CREB5: variants seen among roughly 807,000 people sequenced by gnomAD.
CREB5 encodes the protein cAMP responsive element binding protein 5.
A neutral mutation model predicts 57.1 loss-of-function variants in CREB5; 19 were observed. The ratio of observed to expected loss-of-function variants is 0.33; its 90% CI spans 0.23 to 0.49. The LOEUF is 0.49. CREB5 is among the 20% of genes least tolerant of loss of function. CREB5 has a pLI of 0.99. For missense variants in CREB5, 579 were observed against 671.6 expected (o/e 0.86, Z 1.52); for synonymous variants, 238 against 238.3 (o/e 1.00, Z 0.01).
chr7:28,454,818 G>C (rs1377482006), intron 1 of CREB5, among the ~76,000 whole-genome samples: 1 of 152,110 alleles, frequency 6.6e-6, no homozygotes, highest in Non-Finnish European at 1.5e-5. Context: ...TTCATCACTT[G>C]GAAGATCCGA....
chr7:28,473,287 A>C (rs1246763557), intron 1 of CREB5, among the ~76,000 whole-genome samples: 1 of 152,184 alleles, frequency 6.6e-6, no homozygotes, highest in East Asian at 1.9e-4. Context: ...GCACCATTGC[A>C]TTCCAGCCTG....
intron 1 of CREB5, among the ~76,000 whole-genome samples, chr7:28,454,756 A>T (rs533226757): frequency 7.2e-5 from 11 of 152,038 alleles, no homozygotes; most frequent in African/African-American, 1.2e-4. Context: ...AGCATATAAA[A>T]TTTTTTTTCA....
At chr7:28,525,620 T>A (rs533084125) in intron 4 of CREB5, among the ~76,000 whole-genome samples, 1 of 152,318 alleles carries the variant, frequency 6.6e-6, no homozygotes, top group East Asian at 1.9e-4. Context: ...TGTTGGACAC[T>A]TGTATGTCTT....
intron 5 of CREB5, 94 bp downstream of exon 5, chr7:28,570,631 T>C (rs1289407663): frequency 7.1e-7 from 1 of 1,404,920 alleles, no homozygotes; most frequent in Non-Finnish European, 9.7e-7. Flanking sequence ...GATTGGTTGG[T>C]TTTTCTGGCT....
At chr7:28,710,079 A>G (rs1428772024) in intron 5 of CREB5, among the ~76,000 whole-genome samples, 1 of 151,880 alleles carries the variant, frequency 6.6e-6, no homozygotes, top group Admixed American at 6.6e-5. Context: ...TTTCAAGTGG[A>G]AATTGATTTA....
chr7:28,458,040 A>G (rs1412136303), intron 1 of CREB5, among the ~76,000 whole-genome samples: 1 of 152,150 alleles, frequency 6.6e-6, no homozygotes, highest in Non-Finnish European at 1.5e-5. Context: ...CCCCCATAAG[A>G]GGAAGCTGTG....
At chr7:28,359,232 A>T (rs1209064852) in intron 1 of CREB5, among the ~76,000 whole-genome samples, 1 of 152,002 alleles carries the variant, frequency 6.6e-6, no homozygotes, top group Non-Finnish European at 1.5e-5. Context: ...AATAAAAAAA[A>T]AAAAGCTTTA....
chr7:28,506,173 G>A (rs973719908), intron 3 of CREB5, among the ~76,000 whole-genome samples: 3 of 152,158 alleles, frequency 2.0e-5, no homozygotes, highest in Non-Finnish European at 2.9e-5. Flanking sequence ...GGGCTGATTC[G>A]GTGGGGGATA....
chr7:28,429,904 G>C (rs1272501656), intron 1 of CREB5, among the ~76,000 whole-genome samples: 2 of 152,138 alleles, frequency 1.3e-5, no homozygotes, highest in Non-Finnish European at 2.9e-5. Flanking sequence ...CACCTCCTTC[G>C]CTGCCTCCAG....
At chr7:28,541,365 CAG>C (rs1278461726) in intron 4 of CREB5, among the ~76,000 whole-genome samples, 1 of 152,056 alleles carries the variant, frequency 6.6e-6, no homozygotes, top group Non-Finnish European at 1.5e-5. Flanking sequence ...AGACCCCACT[CAG>C]AGAAAAAACC....
intron 7 of CREB5, among the ~76,000 whole-genome samples, chr7:28,766,968 C>CACAGAATT (rs1806036100): frequency 6.6e-6 from 1 of 152,206 alleles, no homozygotes; most frequent in Admixed American, 6.5e-5. Flanking sequence ...CCAGTTCAAA[C>CACAGAATT]ACAGAATTGG....
At chr7:28,637,605 C>A (rs1380308927) in intron 5 of CREB5, among the ~76,000 whole-genome samples, 1 of 152,002 alleles carries the variant, frequency 6.6e-6, no homozygotes, top group Non-Finnish European at 1.5e-5. Flanking sequence ...CAGATGAGAC[C>A]CCAAGGATCA....
upstream of CREB5, chr7:28,410,309 C>CCCGG (rs1472792845): frequency 8.8e-6 from 4 of 456,584 alleles, no homozygotes; most frequent in Non-Finnish European, 1.8e-5. Context: ...GTTACCTCTT[C>CCCGG]CCGGCCGCTG....
chr7:28,658,975 A>ATGTG (rs1159628776), intron 5 of CREB5, among the ~76,000 whole-genome samples: 8 of 137,702 alleles, frequency 5.8e-5, no homozygotes, highest in East Asian at 2.0e-4. Flanking sequence ...ATATATATAT[A>ATGTG]TATATGTATA....
chr7:28,463,972 G>C (rs1021049255), intron 1 of CREB5, among the ~76,000 whole-genome samples: 1 of 152,082 alleles, frequency 6.6e-6, no homozygotes, highest in African/African-American at 2.4e-5. Context: ...AGTAGTGAGA[G>C]CTAATATCTT....
At chr7:28,453,296 G>T (rs909214278) in intron 1 of CREB5, among the ~76,000 whole-genome samples, 1 of 152,060 alleles carries the variant, frequency 6.6e-6, no homozygotes, top group Non-Finnish European at 1.5e-5. Flanking sequence ...AAAATTAGCT[G>T]GGCATGGTGG....
chr7:28,808,787 C>T (rs1808911602), intron 8 of CREB5, among the ~76,000 whole-genome samples: 1 of 130,310 alleles, frequency 7.7e-6, no homozygotes, highest in South Asian at 2.5e-4. Flanking sequence ...TCTCAAACTC[C>T]TGGCCTCAAG....
chr7:28,328,923 G>A (rs1313783612), intron 1 of CREB5, among the ~76,000 whole-genome samples: 1 of 152,184 alleles, frequency 6.6e-6, no homozygotes, highest in Non-Finnish European at 1.5e-5. Context: ...TTGCTGGAGA[G>A]CCATATGCAA....
At chr7:28,818,886 A>T in intron 10 of CREB5, 1 of 591,120 alleles carries the variant, frequency 1.7e-6, no homozygotes, top group Non-Finnish European at 3.1e-6. Flanking sequence ...AAATCATTTT[A>T]CTGATACAGA....
Sources: gnomAD v4.1 joint callset for allele counts (sites outside exome capture counted in the v4.1 genomes callset) on GRCh38, gnomAD v4.1.1 for gene constraint, MANE v1.5 for transcripts, NCBI Gene and HGNC (gene_info 2026-07-23, HGNC 2026-07-21) for gene names.